The following GRIN2B variants were observed in gnomAD, a reference collection of about 807,000 sequenced individuals.
The protein encoded by GRIN2B is glutamate receptor ionotropic, NMDA 2B.
A neutral mutation model predicts 114.5 loss-of-function variants in GRIN2B; 5 were observed. That is an observed-to-expected ratio of 0.04 (90% confidence interval 0.02 to 0.09). GRIN2B has a LOEUF of 0.09. Ranked by LOEUF, GRIN2B falls within the 10% of genes least tolerant of loss-of-function variation. GRIN2B has a pLI of 1.00. For missense variants in GRIN2B, 1,108 were observed against 1,943.5 expected (o/e 0.57, Z 8.08); for synonymous variants, 787 against 745.1 (o/e 1.06, Z -0.92).
At chr12:13,884,457 G>A (rs1429456279) in intron 2 of GRIN2B, among the ~76,000 whole-genome samples, 1 of 151,874 alleles carries the variant, frequency 6.6e-6, no homozygotes, top group Non-Finnish European at 1.5e-5. Context: ...ATTAATTTTT[G>A]TATGACCATG....
chr12:13,850,707 A>G (rs1865546755), intron 3 of GRIN2B, among the ~76,000 whole-genome samples: 1 of 152,188 alleles, frequency 6.6e-6, no homozygotes, highest in Non-Finnish European at 1.5e-5. Flanking sequence ...CTGTTGCAAT[A>G]GCTGGGATAT....
At chr12:13,781,313 T>C (rs1864108672) in intron 3 of GRIN2B, among the ~76,000 whole-genome samples, 2 of 152,238 alleles carry the variant, frequency 1.3e-5, no homozygotes, top group Admixed American at 1.3e-4. Context: ...GAAACCAACT[T>C]CATAAAGAAC....
intron 10 of GRIN2B, among the ~76,000 whole-genome samples, chr12:13,582,850 T>C (rs1255089294): frequency 6.6e-6 from 1 of 152,204 alleles, no homozygotes; most frequent in East Asian, 1.9e-4. Flanking sequence ...TCCTGGAATT[T>C]AGTTAATTAC....
intron 4 of GRIN2B, among the ~76,000 whole-genome samples, chr12:13,689,155 T>C (rs1265114289): frequency 2.0e-5 from 3 of 152,192 alleles, no homozygotes; most frequent in Non-Finnish European, 4.4e-5. Context: ...ATTAGTCCAA[T>C]TCTTCTCCTC....
At chr12:13,958,195 T>C (rs1390653376) in intron 2 of GRIN2B, among the ~76,000 whole-genome samples, 1 of 152,226 alleles carries the variant, frequency 6.6e-6, no homozygotes, top group Non-Finnish European at 1.5e-5. Context: ...GGCTGAGTTT[T>C]ACTAATAGTG....
chr12:13,971,166 A>G (rs1315603531), intron 2 of GRIN2B, among the ~76,000 whole-genome samples: 1 of 152,218 alleles, frequency 6.6e-6, no homozygotes, highest in Non-Finnish European at 1.5e-5. Context: ...CTAAATATTT[A>G]GTGCCTCACA....
rs1195661780 is a variant in GRIN2B, at chr12:13,753,276, T to G, written c.1010+41A>C. On this transcript the variant is annotated intron_variant, in intron 4 of 13. Transcript: ENST00000609686. This position sits in a 1 kb window ranked among gnomAD's most constrained non-coding sequence, Gnocchi z 6.2. ...CCAACCCCAGTCTTTGAAGCTCCCCTCTCATCTCCACCATCAATGTGCCCT... is the reference window on the plus strand; with the variant it reads ...CCAACCCCAGTCTTTGAAGCTCCCCGCTCATCTCCACCATCAATGTGCCCT... 2 of 1,154,216 alleles carry G rather than the reference T, an allele frequency of 1.7e-6. No homozygotes were observed. The highest frequency in any genetic ancestry group is 4.6e-4 in the Middle Eastern group (2 of 4,356). The allele number at this position is 1,154,216 out of a possible 1,614,324, so 71.5% of individuals were successfully genotyped here.
chr12:13,763,540 TG>T (rs1863721566), intron 3 of GRIN2B, among the ~76,000 whole-genome samples: 1 of 152,208 alleles, frequency 6.6e-6, no homozygotes, highest in Admixed American at 6.5e-5. Flanking sequence ...AGATGCCAGC[TG>T]GGGTCTGACA....
At chr12:13,775,310 G>A (rs1863984541) in intron 3 of GRIN2B, among the ~76,000 whole-genome samples, 1 of 152,140 alleles carries the variant, frequency 6.6e-6, no homozygotes, top group African/African-American at 2.4e-5. Context: ...GAGCTCTGTG[G>A]TAAGATTGTC....
intron 3 of GRIN2B, among the ~76,000 whole-genome samples, chr12:13,818,077 T>A (rs549394188): frequency 6.6e-6 from 1 of 152,360 alleles, no homozygotes; most frequent in South Asian, 2.1e-4. Flanking sequence ...AGTGAATGCC[T>A]ATGAAATAGA....
At chr12:13,774,979 A>AATGATGATG (rs75004247) in intron 3 of GRIN2B, among the ~76,000 whole-genome samples, 6 of 151,580 alleles carry the variant, frequency 4.0e-5, no homozygotes, top group African/African-American at 1.5e-4. Flanking sequence ...GGAGAGGTAA[A>AATGATGATG]ATGATGATGA....
At chr12:13,821,824 G>A (rs1864943834) in intron 3 of GRIN2B, among the ~76,000 whole-genome samples, 1 of 152,176 alleles carries the variant, frequency 6.6e-6, no homozygotes, top group South Asian at 2.1e-4. Flanking sequence ...TCCAGGACCA[G>A]AAGTTCTTTT....
At chr12:13,778,819 G>T (rs1488759478) in intron 3 of GRIN2B, among the ~76,000 whole-genome samples, 1 of 151,922 alleles carries the variant, frequency 6.6e-6, no homozygotes, top group African/African-American at 2.4e-5. Context: ...TTATATTTTG[G>T]TCCAAGACCA....
At chr12:13,660,933 T>C (rs1274997761) in intron 5 of GRIN2B, among the ~76,000 whole-genome samples, 1 of 152,222 alleles carries the variant, frequency 6.6e-6, no homozygotes, top group African/African-American at 2.4e-5. Flanking sequence ...CAGTATAGCA[T>C]GACTTAAAAT....
intron 5 of GRIN2B, among the ~76,000 whole-genome samples, chr12:13,652,974 C>T (rs1441282467): frequency 6.6e-6 from 1 of 152,078 alleles, no homozygotes; most frequent in Non-Finnish European, 1.5e-5. Flanking sequence ...GAGTTTTAGT[C>T]AGGGAACTGA....
At chr12:13,605,552 GACACAC>G (rs66916614) in intron 10 of GRIN2B, among the ~76,000 whole-genome samples, 6 of 129,712 alleles carry the variant, frequency 4.6e-5, no homozygotes, top group Non-Finnish European at 8.0e-5. Flanking sequence ...CTCTCTCTCT[GACACAC>G]ACACACACAC....
chr12:13,693,454 C>G (rs1299142766), intron 4 of GRIN2B, among the ~76,000 whole-genome samples: 2 of 152,120 alleles, frequency 1.3e-5, no homozygotes, highest in Non-Finnish European at 2.9e-5. Context: ...ACCTTTAGGT[C>G]ATCACATATA....
intron 2 of GRIN2B, among the ~76,000 whole-genome samples, chr12:13,886,766 G>C (rs1866166067): frequency 1.3e-5 from 2 of 151,968 alleles, no homozygotes; most frequent in South Asian, 4.2e-4. Flanking sequence ...CAGCTCCGGG[G>C]GTATCAGTGT....
At chr12:13,928,315 A>G (rs1186178624) in intron 2 of GRIN2B, among the ~76,000 whole-genome samples, 2 of 152,008 alleles carry the variant, frequency 1.3e-5, no homozygotes, top group Non-Finnish European at 2.9e-5. Flanking sequence ...AAAAAAAAAA[A>G]AAAGAAATAA....
Sources: allele counts gnomAD v4.1 joint callset (sites outside exome capture counted in the v4.1 genomes callset), GRCh38; gene constraint gnomAD v4.1.1; non-coding constraint Gnocchi (gnomAD v3.1); transcripts MANE v1.5; gene names NCBI Gene and HGNC (gene_info 2026-07-23, HGNC 2026-07-21).